Variants in SCARA5 observed in about 807,000 individuals in gnomAD.
The protein encoded by SCARA5 is scavenger receptor class A, member 5 (putative).
In SCARA5, 45 loss-of-function variants were observed where a neutral mutation model predicts 46.3. The ratio of observed to expected loss-of-function variants is 0.97; its 90% CI spans 0.76 to 1.24. The LOEUF is 1.24. SCARA5 is among the 50% of genes most tolerant of loss of function. The pLI is 0.00. For missense variants in SCARA5, 680 were observed against 689.0 expected, an observed-to-expected ratio of 0.99 and a Z score of 0.15; for synonymous variants, 333 against 306.5, an observed-to-expected ratio of 1.09 and a Z score of -0.90.
At chr8:27,966,133 T>C (rs1808364338) in intron 3 of SCARA5, among the ~76,000 whole-genome samples, 1 of 152,138 alleles carries the variant, frequency 6.6e-6, no homozygotes, top group Admixed American at 6.5e-5. Context: ...AGGCCCAGTG[T>C]AATGCACAAT....
intron 2 of SCARA5, among the ~76,000 whole-genome samples, chr8:27,976,513 CCT>C (rs1463413480): frequency 6.6e-6 from 1 of 152,168 alleles, no homozygotes; most frequent in Non-Finnish European, 1.5e-5. Flanking sequence ...TTAAACCACT[CCT>C]CTTTCTGGGA....
chr8:27,948,334 A>G (rs768605585), intron 3 of SCARA5, among the ~76,000 whole-genome samples: 3 of 152,172 alleles, frequency 2.0e-5, no homozygotes, highest in Non-Finnish European at 4.4e-5. Flanking sequence ...ACCCAAGGCC[A>G]CAAGATATAT....
intron 3 of SCARA5, among the ~76,000 whole-genome samples, chr8:27,926,179 A>T (rs933711962): frequency 4.6e-5 from 7 of 152,224 alleles, no homozygotes; most frequent in African/African-American, 1.7e-4. Context: ...TCACAATAGC[A>T]AAGACTTGGA....
rs144977060 is a variant in SCARA5 at position 27,907,572 on chromosome 8, C to CTTTTTTTTTTTTTTTTTTTTTTT, written c.998-327_998-326insAAAAAAAAAAAAAAAAAAAAAAA. On this transcript the variant is annotated intron_variant, in intron 5 of 8. Coordinates refer to ENST00000354914, the MANE Select transcript of SCARA5 (RefSeq NM_173833.6). ...GCTGGAGACTTAGAATCAGCAAACA[C>CTTTTTTTTTTTTTTTTTTTTTTT]TTTTTTTTTTTTTTTTTTTTGAGAC... Among the ~76,000 whole-genome samples, 25 of 97,270 alleles carry CTTTTTTTTTTTTTTTTTTTTTTT rather than the reference C, an allele frequency of 2.6e-4. 2 individuals carry two copies. Among genetic ancestry groups the CTTTTTTTTTTTTTTTTTTTTTTT allele is most frequent in the East Asian group, 1.6e-3 (4 of 2,538 alleles). The allele number at this position is 97,270 out of a possible 152,430, so 63.8% of individuals were successfully genotyped here. A position where few individuals can be genotyped will look rare whatever the true frequency, so the allele number is the denominator to read the frequency against.
intron 5 of SCARA5, among the ~76,000 whole-genome samples, chr8:27,907,911 G>C (rs954678117): frequency 2.0e-5 from 3 of 152,152 alleles, no homozygotes; most frequent in Non-Finnish European, 2.9e-5. Flanking sequence ...CTACGTGCCA[G>C]GCCCTGCTCT....
intron 3 of SCARA5, among the ~76,000 whole-genome samples, chr8:27,947,637 G>A (rs953246212): frequency 6.6e-6 from 1 of 150,432 alleles, no homozygotes; most frequent in Admixed American, 6.7e-5. Context: ...AAAGGCTCAC[G>A]CCTGTAATCC....
intron 7 of SCARA5, among the ~76,000 whole-genome samples, chr8:27,897,412 T>A (rs1807081271): frequency 2.0e-5 from 3 of 152,278 alleles, no homozygotes; most frequent in African/African-American, 7.2e-5. Context: ...CTCTTGGTTT[T>A]CATGTACATC....
intron 4 of SCARA5, among the ~76,000 whole-genome samples, chr8:27,913,883 C>T (rs1245093256): frequency 6.6e-6 from 1 of 152,226 alleles, no homozygotes; most frequent in Admixed American, 6.5e-5. Flanking sequence ...TCTGCACAAA[C>T]GCTCTCCTCA....
At chr8:27,947,413 G>A (rs894540454) in intron 3 of SCARA5, among the ~76,000 whole-genome samples, 6 of 152,230 alleles carry the variant, frequency 3.9e-5, no homozygotes, top group Admixed American at 2.6e-4. Context: ...GGCTTGAACA[G>A]ATACCTGAAC....
intron 7 of SCARA5, among the ~76,000 whole-genome samples, chr8:27,896,065 G>C (rs1328828418): frequency 6.6e-6 from 1 of 152,222 alleles, no homozygotes; most frequent in Non-Finnish European, 1.5e-5. Flanking sequence ...GGGTGGACAA[G>C]TGAATCCTGT....
intron 4 of SCARA5, 44 bp from the exon 5 acceptor site, chr8:27,909,787 G>A: frequency 2.2e-6 from 3 of 1,377,190 alleles, no homozygotes; most frequent in Non-Finnish European, 3.0e-6. Flanking sequence ...GCTCCCTTCT[G>A]AAACAGGACC....
chr8:27,934,219 G>A (rs984453563), intron 3 of SCARA5, among the ~76,000 whole-genome samples: 2 of 152,162 alleles, frequency 1.3e-5, no homozygotes, highest in African/African-American at 2.4e-5. Context: ...GGGTGCAGAG[G>A]ACCAGCTGGG....
intron 3 of SCARA5, among the ~76,000 whole-genome samples, chr8:27,929,163 T>G (rs146505683): frequency 3.0e-4 from 46 of 152,360 alleles, no homozygotes; most frequent in African/African-American, 1.0e-3. Context: ...TATTCATGTC[T>G]GCTGCAGGCC....
At chr8:27,967,908 CA>C (rs1472747344) in intron 2 of SCARA5, among the ~76,000 whole-genome samples, 4 of 151,728 alleles carry the variant, frequency 2.6e-5, no homozygotes, top group Non-Finnish European at 5.9e-5. Context: ...GTAAGACTGT[CA>C]AAGGAAAGGA....
intron 3 of SCARA5, 104 bp downstream of exon 3, chr8:27,966,310 G>A (rs1202171901): frequency 1.7e-6 from 2 of 1,205,018 alleles, no homozygotes; most frequent in Non-Finnish European, 2.3e-6. Flanking sequence ...TTTCCATGGT[G>A]ACAAGGGCAG....
chr8:27,965,262 T>C (rs1808351959), intron 3 of SCARA5, among the ~76,000 whole-genome samples: 1 of 152,232 alleles, frequency 6.6e-6, no homozygotes, highest in African/African-American at 2.4e-5. Flanking sequence ...GGGGAGGTCC[T>C]GGCCATTTGC....
At position 27,872,066 on chromosome 8, in the gene SCARA5, A is replaced by C. The variant is rs771510701; in HGVS notation, c.1356T>G (p.Thr452=). ...CAACGTCATCCATCCAGATCCTCCC[A>C]GTGCCTGTGGAGACAGGGAAACACA... is the stretch of plus-strand genomic sequence containing the variant. ...VYRTARFGQG[T]GRIWMDDVAC... is the part of the protein sequence containing the mutation. The change falls in exon 9 of 9, where the codon ACT becomes ACG. Residue 452 remains threonine (T), a synonymous_variant. Coordinates refer to ENST00000354914, the MANE Select transcript of SCARA5 (RefSeq NM_173833.6). 1 of 1,614,114 alleles carries C rather than the reference A, an allele frequency of 6.2e-7. No homozygotes were observed. Among genetic ancestry groups the C allele is most frequent in the East Asian group, 2.2e-5 (1 of 44,904 alleles).
chr8:27,934,737 T>C (rs1238072269), intron 3 of SCARA5, among the ~76,000 whole-genome samples: 8 of 152,196 alleles, frequency 5.3e-5, no homozygotes, highest in Non-Finnish European at 1.2e-4. Context: ...CATGAACCCC[T>C]GGAGCAGGGG....
intron 7 of SCARA5, among the ~76,000 whole-genome samples, chr8:27,899,652 C>T (rs1026682057): frequency 3.9e-5 from 6 of 152,270 alleles, no homozygotes; most frequent in Non-Finnish European, 8.8e-5. Flanking sequence ...GCCTAAACTC[C>T]TGACCACTGC....
Sources: allele counts gnomAD v4.1 joint callset (sites outside exome capture counted in the v4.1 genomes callset), GRCh38; gene constraint gnomAD v4.1.1; transcripts MANE v1.5; gene names NCBI Gene and HGNC (gene_info 2026-07-23, HGNC 2026-07-21).